PKHD1: variants seen among roughly 807,000 people sequenced by gnomAD.
PKHD1 encodes the protein PKHD1 ciliary IPT domain containing fibrocystin/polyductin, also known as fibrocystin.
Under a neutral mutation model 412.0 loss-of-function variants are expected in PKHD1, and 291 were observed. That is an observed-to-expected ratio of 0.71 (90% CI 0.64 to 0.78). PKHD1 has a LOEUF of 0.78. Among genes scored for constraint, PKHD1 ranks in the 30% least tolerant of loss-of-function variants. The pLI, the probability that PKHD1 is intolerant of heterozygous loss-of-function variation, is 0.00. For missense variants in PKHD1, 4,825 were observed against 4,950.7 expected, an observed-to-expected ratio of 0.97 and a Z score of 0.76; for synonymous variants, 1,777 against 1,821.5, an observed-to-expected ratio of 0.98 and a Z score of 0.62.
chr6:52,017,683 T>C, intron 33 of PKHD1, 54 bp from the exon 34 acceptor site: 1 of 1,368,974 alleles, frequency 7.3e-7, no homozygotes, highest in Non-Finnish European at 1.0e-6. Flanking sequence ...CTAAGGCCTC[T>C]AGTCGGTTTC....
At chr6:51,684,335 A>G (rs1310089673) in intron 60 of PKHD1, among the ~76,000 whole-genome samples, 1 of 152,114 alleles carries the variant, frequency 6.6e-6, no homozygotes, top group Non-Finnish European at 1.5e-5. Context: ...CTATTCTTAA[A>G]CAACTGAGAT....
intron 52 of PKHD1, among the ~76,000 whole-genome samples, chr6:51,825,948 T>A (rs1019567632): frequency 4.6e-5 from 7 of 152,166 alleles, no homozygotes; most frequent in African/African-American, 1.7e-4. Context: ...TATAGAAACA[T>A]CACCAATATT....
chr6:51,912,201 A>G (rs910464731), intron 38 of PKHD1, among the ~76,000 whole-genome samples, 165 bp downstream of exon 38: 4 of 152,146 alleles, frequency 2.6e-5, no homozygotes, highest in African/African-American at 4.8e-5. Context: ...CAAAGTCTAA[A>G]TCTTCAAAAC....
chr6:52,057,148 T>C (rs1807888666), intron 16 of PKHD1, among the ~76,000 whole-genome samples, 169 bp from the exon 17 acceptor site: 1 of 152,264 alleles, frequency 6.6e-6, no homozygotes, highest in Admixed American at 6.5e-5. Context: ...CATCATTGCC[T>C]AATGAGAACT....
In PKHD1 at chr6:52,017,950, A is replaced by G. The variant is rs139656655; in HGVS notation, c.5381-321T>C. 5.7e-3 allele frequency among the ~76,000 whole-genome samples: 875 copies of G among 152,260 alleles called. 8 individuals are homozygous for G. Among genetic ancestry groups the G allele is most frequent in the Middle Eastern group, 0.01 (3 of 294 alleles). On this transcript the variant is annotated intron_variant, in intron 33 of 66. Transcript: ENST00000371117. ...TTCCTCCTCATTCTCAGAAATAACC[A>G]CTTGGCATTTTTTAAATAGTTTTAT...
chr6:51,731,275 C>T (rs1331377477), intron 60 of PKHD1, among the ~76,000 whole-genome samples: 1 of 152,152 alleles, frequency 6.6e-6, no homozygotes. Flanking sequence ...AATACAGAGC[C>T]AGTTTATTAT....
At chr6:52,035,470 T>A in intron 28 of PKHD1, 121 bp downstream of exon 28, 2 of 999,590 alleles carry the variant, frequency 2.0e-6, no homozygotes, top group Admixed American at 3.4e-5. Flanking sequence ...ACTACAAGCA[T>A]ACTATCATAA....
At chr6:52,074,174 G>T (rs1190272924) in intron 6 of PKHD1, among the ~76,000 whole-genome samples, 2 of 152,156 alleles carry the variant, frequency 1.3e-5, no homozygotes. Flanking sequence ...GCATACTGAG[G>T]GACTCATGAG....
chr6:52,050,339 T>C (rs751501511), intron 21 of PKHD1, 44 bp from the exon 22 acceptor site: 11 of 1,605,214 alleles, frequency 6.9e-6, no homozygotes, highest in African/African-American at 4.0e-5. Flanking sequence ...CTTAAGATGG[T>C]AGACTTGCTG....
At chr6:51,907,547 T>C (rs1315536425) in intron 40 of PKHD1, among the ~76,000 whole-genome samples, 2 of 152,204 alleles carry the variant, frequency 1.3e-5, no homozygotes, top group East Asian at 1.9e-4. Context: ...GTAGCTCTTA[T>C]GGGCGGAATA....
At chr6:51,862,917 C>T (rs1013838880) in intron 48 of PKHD1, among the ~76,000 whole-genome samples, 1 of 152,186 alleles carries the variant, frequency 6.6e-6, no homozygotes, top group Non-Finnish European at 1.5e-5. Context: ...GATTAAGTTA[C>T]ATTACCTAAT....
At chr6:51,963,023 C>A (rs1238725697) in intron 35 of PKHD1, among the ~76,000 whole-genome samples, 1 of 152,036 alleles carries the variant, frequency 6.6e-6, no homozygotes, top group Non-Finnish European at 1.5e-5. Flanking sequence ...TTAAATGAAT[C>A]TTATACCTGC....
At chr6:51,718,207 C>T (rs1781495339) in intron 60 of PKHD1, among the ~76,000 whole-genome samples, 1 of 152,212 alleles carries the variant, frequency 6.6e-6, no homozygotes, top group Non-Finnish European at 1.5e-5. Flanking sequence ...GGGGAAAAAG[C>T]ACTTCCCTTA....
chr6:52,024,919 T>C lies in PKHD1; in HGVS notation c.4891A>G (p.Asn1631Asp). The change falls in exon 32 of 67, where the codon AAT (asparagine) becomes GAT (aspartate). Residue 1631 changes from asparagine (N) to aspartate (D), a missense_variant. Transcript: ENST00000371117. ...ELIRCIVPTG[N>D]GSVALEIEVD... Reference sequence around the variant, plus strand: ...TCTATTTCCAGGGCAACAGAGCCATTCCCTGTGGGAACAATGCACCGGATG... The same window carrying C: ...TCTATTTCCAGGGCAACAGAGCCATCCCCTGTGGGAACAATGCACCGGATG... 1.2e-6 allele frequency: 2 copies of C among 1,614,166 alleles called. No individual in the cohort carries two copies. The highest frequency in any genetic ancestry group is 1.7e-6 in the Non-Finnish European group (2 of 1,180,024).
intron 55 of PKHD1, among the ~76,000 whole-genome samples, chr6:51,756,154 C>CA (rs898821433): frequency 2.0e-5 from 3 of 151,912 alleles, no homozygotes; most frequent in Non-Finnish European, 4.4e-5. Context: ...ATAGAGAAGA[C>CA]AAAAAAACTA....
chr6:51,682,746 G>A (rs1313490813), intron 60 of PKHD1, among the ~76,000 whole-genome samples: 4 of 151,938 alleles, frequency 2.6e-5, no homozygotes, highest in Non-Finnish European at 2.9e-5. Context: ...AAAGCCTAGG[G>A]GAGTCTTACC....
rs929325136 is a variant in PKHD1 at position 52,056,978 on chromosome 6, A to G, written c.1514T>C (p.Val505Ala). 3 of 1,611,060 alleles carry G rather than the reference A, an allele frequency of 1.9e-6. No individual in the cohort carries two copies. Among genetic ancestry groups the G allele is most frequent in the African/African-American group, 2.7e-5 (2 of 74,894 alleles). The change falls in exon 17 of 67, where the codon GTG becomes GCG. Residue 505 changes from valine to alanine, a missense_variant and splice_region_variant. By Grantham distance (64) the Val-to-Ala change is moderately conservative (BLOSUM62 0). Coordinates refer to ENST00000371117, the MANE Select transcript of PKHD1 (RefSeq NM_138694.4). ...GTTTCCTCTGCCTGATACATTCAGC[A>G]CCTAAAAAAGTCAAGACAGACAAGA... ...VRAQRLPEVQ[V>A]LNVSGRGNFF...
rs1192140563 is a variant in PKHD1 at position 51,690,653 on chromosome 6, C to T, written c.10157-30684G>A. On this transcript the variant is annotated intron_variant, in intron 60 of 66. Transcript: ENST00000371117. ...ACTGGACCCCTTCCTTCACCATATA[C>T]GAAAATTAACTCAAGATGGACTAAA... Among the ~76,000 whole-genome samples the T allele has an allele frequency of 1.5e-4, 23 of 152,198 alleles. No homozygotes were observed. In the South Asian group the frequency reaches 1.9e-3, roughly 12 times the overall value.
intron 65 of PKHD1, among the ~76,000 whole-genome samples, chr6:51,630,510 T>C (rs928962288): frequency 6.6e-6 from 1 of 152,192 alleles, no homozygotes; most frequent in African/African-American, 2.4e-5. Flanking sequence ...AGTTAATGAA[T>C]AAATTTAAAA....
Sources: gnomAD v4.1 joint callset for allele counts (sites outside exome capture counted in the v4.1 genomes callset) on GRCh38, gnomAD v4.1.1 for gene constraint, MANE v1.5 for transcripts, NCBI Gene and HGNC (gene_info 2026-07-23, HGNC 2026-07-21) for gene names.